TRIM33: variants seen among roughly 807,000 people sequenced by gnomAD.
TRIM33 encodes the protein tripartite motif containing 33.
In TRIM33, 20 loss-of-function variants were observed where a neutral mutation model predicts 125.4. The ratio of observed to expected loss-of-function variants is 0.16; its 90% confidence interval spans 0.11 to 0.23. The LOEUF (loss-of-function observed/expected upper bound fraction) is 0.23. Among genes scored for constraint, TRIM33 ranks in the 10% least tolerant of loss-of-function variants. The pLI is 1.00. For missense variants in TRIM33, 920 were observed against 1,411.4 expected, an observed-to-expected ratio of 0.65 and a Z score of 5.58; for synonymous variants, 564 against 513.9, an observed-to-expected ratio of 1.10 and a Z score of -1.32.
At position 114,471,764 on chromosome 1, in the gene TRIM33, T is replaced by C. The variant is rs369336903; in HGVS notation, c.527-7376A>G. 1.1e-4 allele frequency among the ~76,000 whole-genome samples: 17 copies of C among 152,254 alleles called. No individual in the cohort carries two copies. In the East Asian group the frequency reaches 1.4e-3, roughly 12 times the overall value. On this transcript the variant is annotated intron_variant, in intron 1 of 19. Coordinates refer to ENST00000358465, the MANE Select transcript of TRIM33 (RefSeq NM_015906.4). ...AACAATGAAGGACACAGTCCACAAATTGTCAAAACAAATTATGCAATTTAT... is the reference window on the plus strand; with the variant it reads ...AACAATGAAGGACACAGTCCACAAACTGTCAAAACAAATTATGCAATTTAT...
intron 1 of TRIM33, among the ~76,000 whole-genome samples, chr1:114,495,687 CAG>C (rs1652327795): frequency 6.6e-6 from 1 of 151,970 alleles, no homozygotes; most frequent in African/African-American, 2.4e-5. Context: ...GGAAGGAAAA[CAG>C]AGAAGAGAAA....
intron 11 of TRIM33, among the ~76,000 whole-genome samples, chr1:114,418,524 A>G (rs1572030140): frequency 1.3e-5 from 2 of 152,304 alleles, no homozygotes; most frequent in Non-Finnish European, 2.9e-5. Flanking sequence ...CCCTTCCCCA[A>G]AACTCAACTG....
chr1:114,412,161 A>C (rs796335694), intron 11 of TRIM33, among the ~76,000 whole-genome samples: 9 of 152,340 alleles, frequency 5.9e-5, no homozygotes, highest in African/African-American at 2.2e-4. Context: ...TTGGGAAGAC[A>C]ATGCAAAAAT....
At chr1:114,460,533 C>T (rs1225310654) in intron 4 of TRIM33, among the ~76,000 whole-genome samples, 2 of 147,560 alleles carry the variant, frequency 1.4e-5, no homozygotes, top group Non-Finnish European at 3.0e-5. Context: ...TTTCAATTGG[C>T]ATGATAATGA....
Position 114,395,494 on chromosome 1 carries a change from A to C in TRIM33, c.*2154T>G, listed in dbSNP as rs1651494870. 1 of 200,230 alleles carries C rather than the reference A, an allele frequency of 5.0e-6. No homozygotes were observed. The highest frequency in any genetic ancestry group is 1.0e-5 in the Non-Finnish European group (1 of 96,886). 12.4% of individuals were successfully genotyped at this position (200,230 alleles called of 1,614,324 possible). A position where few individuals can be genotyped will look rare whatever the true frequency, so the allele number is the denominator to read the frequency against. On this transcript the variant is annotated 3_prime_UTR_variant, in exon 20 of 20. Transcript: ENST00000358465. ...TTTTTTTAAAAGGATCCATTTGAAG[A>C]GCAATACAAAATATTAGAACTCAAA...
intron 4 of TRIM33, among the ~76,000 whole-genome samples, chr1:114,443,308 C>T (rs1648773426): frequency 1.3e-5 from 2 of 152,104 alleles, no homozygotes; most frequent in South Asian, 4.1e-4. Flanking sequence ...CGCTTGAACT[C>T]AAGAGGCAGA....
intron 1 of TRIM33, chr1:114,468,802 C>A: frequency 2.8e-6 from 1 of 354,112 alleles, no homozygotes; most frequent in Non-Finnish European, 5.5e-6. Context: ...AATAATCATA[C>A]AGGCCCTGCT....
intron 11 of TRIM33, among the ~76,000 whole-genome samples, chr1:114,420,047 C>T (rs918809338): frequency 1.3e-5 from 2 of 152,270 alleles, no homozygotes; most frequent in South Asian, 2.1e-4. Context: ...ATGGTGACCC[C>T]GGACTCCAAG....
intron 14 of TRIM33, among the ~76,000 whole-genome samples, chr1:114,406,205 C>T (rs1221459340): frequency 6.6e-6 from 1 of 152,162 alleles, no homozygotes; most frequent in Non-Finnish European, 1.5e-5. Flanking sequence ...CCAACCTTGG[C>T]ACCCATTTTT....
intron 2 of TRIM33, 85 bp from the exon 3 acceptor site, chr1:114,463,641 TA>T (rs1382815239): frequency 7.5e-6 from 6 of 796,304 alleles, no homozygotes; most frequent in African/African-American, 1.8e-5. Context: ...TTCAATATAC[TA>T]TTTCACTGTA....
At chr1:114,432,383 C>A (rs553696195) in intron 5 of TRIM33, among the ~76,000 whole-genome samples, 2 of 152,180 alleles carry the variant, frequency 1.3e-5, no homozygotes, top group East Asian at 3.9e-4. Flanking sequence ...ACCAGTTTAA[C>A]CTAAAACAAC....
At chr1:114,435,759 C>G (rs1342283692) in intron 4 of TRIM33, among the ~76,000 whole-genome samples, 2 of 151,680 alleles carry the variant, frequency 1.3e-5, no homozygotes, top group Admixed American at 1.3e-4. Flanking sequence ...CAGGGTCTCA[C>G]TCTATCACCC....
chr1:114,439,537 C>CAAA (rs71090776), intron 4 of TRIM33, among the ~76,000 whole-genome samples: 3 of 125,482 alleles, frequency 2.4e-5, no homozygotes, highest in African/African-American at 9.0e-5. Flanking sequence ...AGCCCTCCAT[C>CAAA]AAAAAAAAAA....
At chr1:114,457,039 G>A (rs1157400641) in intron 4 of TRIM33, among the ~76,000 whole-genome samples, 1 of 152,168 alleles carries the variant, frequency 6.6e-6, no homozygotes, top group Admixed American at 6.5e-5. Flanking sequence ...AAGAAGCCCA[G>A]TGTTTGGTTG....
chr1:114,473,219 T>C (rs1370441480), intron 1 of TRIM33, among the ~76,000 whole-genome samples: 2 of 148,926 alleles, frequency 1.3e-5, no homozygotes, highest in East Asian at 2.0e-4. Context: ...ATCATGCCAC[T>C]ATACTCCAGC....
At chr1:114,419,785 T>C (rs763965535) in intron 11 of TRIM33, among the ~76,000 whole-genome samples, 4 of 152,234 alleles carry the variant, frequency 2.6e-5, no homozygotes, top group African/African-American at 4.8e-5. Context: ...TGGGTAATTA[T>C]GTGAGATGAG....
chr1:114,473,498 T>C (rs1054214655), intron 1 of TRIM33, among the ~76,000 whole-genome samples: 3 of 152,032 alleles, frequency 2.0e-5, no homozygotes, highest in African/African-American at 7.2e-5. Context: ...GTGAGTGGTT[T>C]GGCAGGAAAA....
intron 1 of TRIM33, among the ~76,000 whole-genome samples, chr1:114,486,620 A>G (rs1376565548): frequency 6.6e-6 from 1 of 151,668 alleles, no homozygotes; most frequent in African/African-American, 2.4e-5. Context: ...ACAAGAGAAG[A>G]TAACAGGCAA....
At chr1:114,412,284 A>G (rs889748830) in intron 11 of TRIM33, among the ~76,000 whole-genome samples, 6 of 152,238 alleles carry the variant, frequency 3.9e-5, no homozygotes, top group African/African-American at 1.2e-4. Flanking sequence ...CACTTCTACC[A>G]ACTTCGCTTA....
Sources: gnomAD v4.1 joint callset for allele counts (sites outside exome capture counted in the v4.1 genomes callset) on GRCh38, gnomAD v4.1.1 for gene constraint, MANE v1.5 for transcripts, NCBI Gene and HGNC (gene_info 2026-07-23, HGNC 2026-07-21) for gene names.